The following PRSS38 variants were observed in gnomAD, a reference collection of about 807,000 sequenced individuals.
PRSS38 encodes serine protease 38, also known as marapsin 2.
A neutral mutation model predicts 26.8 loss-of-function variants in PRSS38; 22 were observed. The ratio of observed to expected loss-of-function variants is 0.82; its 90% CI spans 0.59 to 1.17. The LOEUF is 1.17. PRSS38 is among the 50% of genes most tolerant of loss of function. PRSS38 has a pLI of 0.00. For missense variants in PRSS38, 427 were observed against 422.7 expected, an observed-to-expected ratio of 1.01 and a Z score of -0.09; for synonymous variants, 175 against 172.1, an observed-to-expected ratio of 1.02 and a Z score of -0.13.
intron 1 of PRSS38, 38 bp downstream of exon 1, chr1:227,815,902 C>T: frequency 1.9e-6 from 3 of 1,571,262 alleles, no homozygotes; most frequent in Admixed American, 3.5e-5. Context: ...CGGCTGGAGA[C>T]AGTGCCCTTG....
intron 3 of PRSS38, among the ~76,000 whole-genome samples, chr1:227,833,694 C>G (rs1050361723): frequency 2.0e-5 from 3 of 152,118 alleles, no homozygotes; most frequent in Non-Finnish European, 4.4e-5. Context: ...ATGAAGGTGC[C>G]AAGTCCATTC....
chr1:227,829,280 T>C (rs913118232), intron 3 of PRSS38, among the ~76,000 whole-genome samples: 5 of 152,130 alleles, frequency 3.3e-5, no homozygotes, highest in African/African-American at 1.2e-4. Flanking sequence ...CCTTTTCTCT[T>C]CATCCTCACC....
intron 3 of PRSS38, among the ~76,000 whole-genome samples, chr1:227,830,489 T>G (rs1665136473): frequency 6.6e-6 from 1 of 150,772 alleles, no homozygotes; most frequent in Admixed American, 6.6e-5. Context: ...TTGAATTAGT[T>G]TAAGGTGTCT....
chr1:227,815,743 C>A (rs1330163624), exon 1 of PRSS38: 1 of 1,602,342 alleles, frequency 6.2e-7, no homozygotes, highest in South Asian at 1.1e-5. Flanking sequence ...CCGTCATGGG[C>A]CCACTCGGGC....
At chr1:227,842,583 CT>C (rs545162850) in intron 3 of PRSS38, among the ~76,000 whole-genome samples, 2,577 of 144,412 alleles carry the variant, frequency 0.018, 44 homozygotes, top group South Asian at 0.056. Flanking sequence ...GAGGGAACTT[CT>C]TTTTTTTTTT....
chr1:227,840,042 C>T (rs1665295904), intron 3 of PRSS38, among the ~76,000 whole-genome samples: 1 of 152,176 alleles, frequency 6.6e-6, no homozygotes, highest in East Asian at 1.9e-4. Context: ...TTACAGGGGT[C>T]AGTAAACTAC....
chr1:227,835,770 G>GAATACAGAT (rs1286972884), intron 3 of PRSS38, among the ~76,000 whole-genome samples: 32 of 152,322 alleles, frequency 2.1e-4, no homozygotes, highest in African/African-American at 6.0e-4. Context: ...CATACAGATG[G>GAATACAGAT]AATACAGATT....
At chr1:227,829,037 T>G (rs1113474) in intron 3 of PRSS38, among the ~76,000 whole-genome samples, 62,549 of 152,010 alleles carry the variant, frequency 0.41, 14,960 homozygotes, top group Middle Eastern at 0.57. Context: ...TTCCTTTGGG[T>G]CCATGTGGCT....
chr1:227,846,040 C>A (rs746124782), exon 5 of PRSS38: 4 of 1,614,102 alleles, frequency 2.5e-6, no homozygotes, highest in Non-Finnish European at 3.4e-6. Flanking sequence ...GCTGCTCCAA[C>A]CCTCTGTACC....
chr1:227,830,410 T>G (rs1357371273), intron 3 of PRSS38, among the ~76,000 whole-genome samples: 1 of 151,820 alleles, frequency 6.6e-6, no homozygotes, highest in Non-Finnish European at 1.5e-5. Flanking sequence ...TTATATACTT[T>G]ATGTATTTAT....
intron 3 of PRSS38, among the ~76,000 whole-genome samples, chr1:227,820,089 C>CAAAAAAA (rs61564441): frequency 1.2e-4 from 5 of 42,780 alleles, no homozygotes; most frequent in Admixed American, 3.2e-4. Flanking sequence ...AACTCCATCT[C>CAAAAAAA]AAAAAAAAAA....
rs1367867912 is a variant in PRSS38 at position 227,815,973 on chromosome 1, C to A, written c.148+109C>A. On this transcript the variant is annotated intron_variant, in intron 1 of 4. Transcript: ENST00000366757. ...CGCCTGCCCATCCCTTCCCCTCCCCCATGTCCCCTGCCTTCCCTTCCTCCT... is the reference window on the plus strand; with the variant it reads ...CGCCTGCCCATCCCTTCCCCTCCCCAATGTCCCCTGCCTTCCCTTCCTCCT... 23 of 1,499,784 alleles carry A rather than the reference C, an allele frequency of 1.5e-5. No homozygotes were observed. In the South Asian group the frequency reaches 2.0e-4, roughly 13 times the overall value. The allele number at this position is 1,499,784 out of a possible 1,614,324, so 92.9% of individuals were successfully genotyped here.
At chr1:227,817,373 G>T in exon 3 of PRSS38, 1 of 1,614,154 alleles carries the variant, frequency 6.2e-7, no homozygotes, top group Non-Finnish European at 8.5e-7. Flanking sequence ...CTGAAGACCC[G>T]CATTGTGTTT....
intron 3 of PRSS38, among the ~76,000 whole-genome samples, chr1:227,825,573 G>T (rs914668960): frequency 1.6e-4 from 24 of 152,152 alleles, no homozygotes; most frequent in African/African-American, 5.1e-4. Context: ...TAAGGAAGGG[G>T]TCTAATTTCA....
intron 3 of PRSS38, among the ~76,000 whole-genome samples, chr1:227,845,213 G>A (rs1665407764): frequency 1.4e-5 from 2 of 145,166 alleles, no homozygotes; most frequent in African/African-American, 2.6e-5. Context: ...GTGTGGTGGG[G>A]CTCCTCCCTA....
intron 3 of PRSS38, among the ~76,000 whole-genome samples, chr1:227,830,902 T>A (rs1205381598): frequency 3.4e-4 from 52 of 152,182 alleles, no homozygotes; most frequent in Non-Finnish European, 5.9e-5. Context: ...TCTTTTCTGA[T>A]TTTGGTAATT....
chr1:227,832,959 T>A lies in PRSS38; in HGVS notation c.584-12511T>A, dbSNP rs114113669. Among the ~76,000 whole-genome samples, 1,349 of 152,254 alleles carry A rather than the reference T, an allele frequency of 8.9e-3. 16 individuals carry two copies. Among genetic ancestry groups the A allele is most frequent in the African/African-American group, 0.031 (1,290 of 41,546 alleles). Reference sequence around the variant, plus strand: ...TAGCACCCAAACCAAAATATACCTATAATAATGTATCCAAGGAGATGAAAA... The same window carrying A: ...TAGCACCCAAACCAAAATATACCTAAAATAATGTATCCAAGGAGATGAAAA... On this transcript the variant is annotated intron_variant, in intron 3 of 4. Coordinates refer to ENST00000366757, the Ensembl canonical transcript of PRSS38.
chr1:227,818,447 GGT>G (rs1664953784), intron 3 of PRSS38, among the ~76,000 whole-genome samples: 1 of 152,112 alleles, frequency 6.6e-6, no homozygotes, highest in Admixed American at 6.5e-5. Context: ...GGGAGGCTGA[GGT>G]GGGAGGATCG....
At chr1:227,824,448 A>G (rs1398572340) in intron 3 of PRSS38, among the ~76,000 whole-genome samples, 1 of 151,946 alleles carries the variant, frequency 6.6e-6, no homozygotes, top group African/African-American at 2.4e-5. Context: ...CATGTACCAC[A>G]TTTTTTTATC....
Sources: allele counts gnomAD v4.1 joint callset (sites outside exome capture counted in the v4.1 genomes callset), GRCh38; gene constraint gnomAD v4.1.1; transcripts MANE v1.5; gene names NCBI Gene and HGNC (gene_info 2026-07-23, HGNC 2026-07-21).